The following EPG5 variants were observed in gnomAD, a reference collection of about 807,000 sequenced individuals.
EPG5 encodes the protein ectopic P-granules 5 autophagy tethering factor.
In EPG5, 159 loss-of-function variants were observed where a neutral mutation model predicts 302.7. The ratio of observed to expected loss-of-function variants is 0.53; its 90% CI spans 0.46 to 0.60. The LOEUF is 0.60. Ranked by LOEUF, EPG5 falls within the 20% of genes least tolerant of loss-of-function variation. The probability of loss-of-function intolerance (pLI) is 0.00; values close to 1 mark genes in which losing one functional copy is unlikely to be tolerated. For missense variants in EPG5, 2,896 were observed against 3,092.4 expected (o/e 0.94, Z 1.51); for synonymous variants, 1,158 against 1,136.8 (o/e 1.02, Z -0.37).
chr18:45,959,203 TG>T (rs1193114549), intron 1 of EPG5, among the ~76,000 whole-genome samples: 1 of 152,224 alleles, frequency 6.6e-6, no homozygotes, highest in African/African-American at 2.4e-5. Context: ...TAGCCAGGCA[TG>T]GTGGCTGGCA....
intron 34 of EPG5, 33 bp downstream of exon 34, chr18:45,878,343 C>T: frequency 6.9e-7 from 1 of 1,438,974 alleles, no homozygotes; most frequent in East Asian, 2.3e-5. Flanking sequence ...CTACAAACGT[C>T]AAAGGAATTT....
chr18:45,863,159 G>C (rs2048671230), intron 39 of EPG5, among the ~76,000 whole-genome samples: 1 of 152,086 alleles, frequency 6.6e-6, no homozygotes, highest in Non-Finnish European at 1.5e-5. Context: ...TAATCATCTT[G>C]TGGAAAGCTT....
At chr18:45,917,170 T>C (rs180944954) in intron 17 of EPG5, among the ~76,000 whole-genome samples, 3 of 152,308 alleles carry the variant, frequency 2.0e-5, no homozygotes, top group East Asian at 3.9e-4. Context: ...GGTTCCTCCA[T>C]ATGGGGTGAG....
At chr18:45,942,222 C>T (rs2050682369) in intron 9 of EPG5, among the ~76,000 whole-genome samples, 1 of 151,560 alleles carries the variant, frequency 6.6e-6, no homozygotes, top group African/African-American at 2.4e-5. Flanking sequence ...GAGACCCTGT[C>T]TCAAAAAAAA....
intron 2 of EPG5, among the ~76,000 whole-genome samples, 166 bp downstream of exon 2, chr18:45,954,228 G>A (rs760478515): frequency 3.9e-5 from 6 of 152,182 alleles, no homozygotes; most frequent in Admixed American, 6.5e-5. Flanking sequence ...CACTCCTCCA[G>A]CTTATACACC....
At chr18:45,929,879 C>T (rs1000737926) in intron 12 of EPG5, among the ~76,000 whole-genome samples, 1 of 152,180 alleles carries the variant, frequency 6.6e-6, no homozygotes, top group Non-Finnish European at 1.5e-5. Flanking sequence ...GTTTGTCATT[C>T]TCAAACTGGA....
At chr18:45,819,737 ATTATC>A in the EPG5 span, among the ~76,000 whole-genome samples, 4 of 152,094 alleles carry the variant, frequency 2.6e-5, no homozygotes, top group African/African-American at 4.8e-5. Context: ...ATTTTCCACT[ATTATC>A]TTCTGTCTAA....
intron 42 of EPG5, 113 bp from the exon 43 acceptor site, chr18:45,855,800 G>A (rs1291295282): frequency 1.4e-6 from 1 of 693,570 alleles, no homozygotes; most frequent in Non-Finnish European, 2.5e-6. Context: ...CAGATCTACT[G>A]TGTTGTTCAC....
chr18:45,907,784 G>A (rs1247750086), intron 24 of EPG5, 174 bp downstream of exon 24: 3 of 569,402 alleles, frequency 5.3e-6, no homozygotes, highest in East Asian at 3.4e-5. Flanking sequence ...GATTCAAAAG[G>A]GAGTATTCCC....
the EPG5 span, among the ~76,000 whole-genome samples, chr18:45,823,642 T>C: frequency 6.6e-6 from 1 of 152,236 alleles, no homozygotes; most frequent in Non-Finnish European, 1.5e-5. Context: ...ATTATTTTTT[T>C]ATTCATCTAA....
chr18:45,889,850 G>A lies in EPG5; in HGVS notation c.4900C>T (p.Pro1634Ser). 2 of 1,612,332 alleles carry A rather than the reference G, an allele frequency of 1.2e-6. No homozygotes were observed. The highest frequency in any genetic ancestry group is 1.7e-6 in the Non-Finnish European group (2 of 1,179,104). ...VKQLQAEAAK[P>S]PSLNIVEAAV... Reference sequence around the variant, plus strand: ...GCTTCCACAATATTAAGTGATGGTGGTTTAGCAGCTTCTGCTTGCAACTGC... The same window carrying A: ...GCTTCCACAATATTAAGTGATGGTGATTTAGCAGCTTCTGCTTGCAACTGC... The change falls in exon 28 of 44, where the codon CCA (proline) becomes TCA (serine). Residue 1634 changes from proline to serine, a missense_variant. By Grantham distance (74) the Pro-to-Ser change is moderately conservative (BLOSUM62 -1). This residue lies in a region of EPG5 where 790 missense variants were observed against 798.0 expected (regional missense o/e 0.99). Transcript: ENST00000282041.
rs546235288 is a variant in EPG5, at chr18:45,945,718, G to C, written c.1677+945C>G. Among the ~76,000 whole-genome samples the C allele has an allele frequency of 2.6e-5, 4 of 152,194 alleles. No homozygotes were observed. In the South Asian group the frequency reaches 8.3e-4, roughly 32 times the overall value. On this transcript the variant is annotated intron_variant, in intron 7 of 43. Transcript: ENST00000282041. ...ACTACAATCTTTAAAAGACCAATCT[G>C]TACTGGCTCCTAAGAAGCTTGCTTC...
chr18:45,871,482 T>C (rs986046675), intron 35 of EPG5, among the ~76,000 whole-genome samples: 15 of 152,230 alleles, frequency 9.9e-5, no homozygotes, highest in African/African-American at 3.4e-4. Flanking sequence ...CACACTCCCA[T>C]GTTCACTGCA....
At chr18:45,863,944 T>C (rs2048687149) in intron 39 of EPG5, among the ~76,000 whole-genome samples, 1 of 152,342 alleles carries the variant, frequency 6.6e-6, no homozygotes, top group East Asian at 1.9e-4. Flanking sequence ...AATTTGAGGA[T>C]TGCTGTCTTC....
the EPG5 span, chr18:45,842,490 C>A: frequency 2.9e-6 from 1 of 347,132 alleles, no homozygotes; most frequent in East Asian, 5.1e-5. Flanking sequence ...CGTGAAACTT[C>A]CAGAAATGTT....
chr18:45,915,483 C>G (rs751232622), intron 20 of EPG5, 28 bp downstream of exon 20: 1 of 1,475,792 alleles, frequency 6.8e-7, no homozygotes, highest in Non-Finnish European at 9.5e-7. Context: ...ACAAAGATAA[C>G]AAATGATCCT....
At chr18:45,806,402 A>C in the EPG5 span, among the ~76,000 whole-genome samples, 1 of 152,200 alleles carries the variant, frequency 6.6e-6, no homozygotes, top group African/African-American at 2.4e-5. Context: ...GGAGGCTTGC[A>C]TCATGAATTT....
the EPG5 span, among the ~76,000 whole-genome samples, chr18:45,802,513 C>A: frequency 2.0e-5 from 3 of 152,128 alleles, no homozygotes; most frequent in South Asian, 2.1e-4. Flanking sequence ...GAGCAAGACT[C>A]CATTTCAAAA....
chr18:45,870,787 TTAA>T, intron 35 of EPG5, 45 bp from the exon 36 acceptor site: 5 of 1,168,096 alleles, frequency 4.3e-6, no homozygotes, highest in South Asian at 2.0e-5. Flanking sequence ...TTGGTTTACC[TTAA>T]AAAAAAAAAA....
Sources: allele counts gnomAD v4.1 joint callset (sites outside exome capture counted in the v4.1 genomes callset), GRCh38; gene constraint gnomAD v4.1.1; regional missense constraint gnomAD v4.1.1; transcripts MANE v1.5; gene names NCBI Gene and HGNC (gene_info 2026-07-23, HGNC 2026-07-21).